The following PFKFB1 variants were observed in gnomAD, a reference collection of about 807,000 sequenced individuals.
The protein encoded by PFKFB1 is 6-phosphofructo-2-kinase/fructose-2,6-bisphosphatase 1.
PFKFB1 carries 34 observed loss-of-function variants against 46.4 expected under a neutral mutation model. The ratio of observed to expected loss-of-function variants is 0.73; its 90% CI spans 0.56 to 0.98. The LOEUF (loss-of-function observed/expected upper bound fraction) is 0.98, where lower values mean the gene tolerates loss of function less well. Ranked by LOEUF, PFKFB1 falls within the 50% of genes least tolerant of loss-of-function variation. The pLI, the probability that PFKFB1 is intolerant of heterozygous loss-of-function variation, is 0.00. For synonymous variants in PFKFB1, 119 were observed against 133.8 expected (o/e 0.89, Z 0.76); for missense variants, 393 against 376.3 (o/e 1.04, Z -0.37).
intron 1 of PFKFB1, among the ~76,000 whole-genome samples, chrX:54,970,157 C>T (rs1282231408): frequency 9.0e-6 from 1 of 110,977 alleles, no homozygotes; most frequent in Admixed American, 9.6e-5. Context: ...GATCTGCCCA[C>T]CTCAGTCTCC....
At chrX:54,941,164 G>A (rs911969174) in intron 10 of PFKFB1, among the ~76,000 whole-genome samples, 1 of 111,939 alleles carries the variant, frequency 8.9e-6, no homozygotes, top group African/African-American at 3.3e-5. Context: ...TTTAATAAAC[G>A]GTGCTGGGAA....
rs1569546552 is a variant in PFKFB1, at chrX:54,933,152, C to T, written c.*251G>A. 7 of 391,808 alleles carry T rather than the reference C, an allele frequency of 1.8e-5. No individual in the cohort carries two copies. The South Asian group carries it at 2.1e-4, about 12-fold the overall frequency. The allele number at this position is 391,808 out of a possible 1,213,427, so 32.3% of individuals were successfully genotyped here. A position where few individuals can be genotyped will look rare whatever the true frequency, so the allele number is the denominator to read the frequency against. ...TGGAAAAGCCTCGCCATGACCTCCT[C>T]CTCTCCTCTTGTAGGCAGTAAGTCT... is the stretch of plus-strand genomic sequence containing the variant. On this transcript the variant is annotated 3_prime_UTR_variant, in exon 14 of 14. Transcript: ENST00000375006.
chrX:54,950,844 C>A (rs192848352), intron 8 of PFKFB1, among the ~76,000 whole-genome samples: 5 of 112,579 alleles, frequency 4.4e-5, no homozygotes, highest in African/African-American at 1.6e-4. Flanking sequence ...TGGGGCACCT[C>A]CCCCCATCTC....
intron 10 of PFKFB1, among the ~76,000 whole-genome samples, chrX:54,939,418 C>A (rs1204081424): frequency 9.0e-6 from 1 of 111,512 alleles, no homozygotes; most frequent in Admixed American, 9.5e-5. Flanking sequence ...GAGATAGAGA[C>A]ACAAAAAACC....
chrX:54,994,126 G>T lies in PFKFB1; in HGVS notation c.-119C>A. Reference sequence around the variant, plus strand: ...CAGCAGGTGGACAGGGCTGGGACAGGGGGTGTACTGGGTTTCTGAGCCCTC... The same window carrying T: ...CAGCAGGTGGACAGGGCTGGGACAGTGGGTGTACTGGGTTTCTGAGCCCTC... On this transcript the variant is annotated 5_prime_UTR_variant, in exon 1 of 14. Coordinates refer to ENST00000375006, the MANE Select transcript of PFKFB1 (RefSeq NM_002625.4). 1 of 1,108,105 alleles carries T rather than the reference G, an allele frequency of 9.0e-7. No individual in the cohort carries two copies. The highest frequency in any genetic ancestry group is 2.3e-5 in the South Asian group (1 of 44,143). The allele number at this position is 1,108,105 out of a possible 1,213,427, so 91.3% of individuals were successfully genotyped here.
intron 1 of PFKFB1, among the ~76,000 whole-genome samples, chrX:54,987,598 T>C (rs767139408): frequency 1.8e-5 from 2 of 110,930 alleles, no homozygotes; most frequent in African/African-American, 3.3e-5. Context: ...ACATTATATA[T>C]ATGTATATAT....
At chrX:54,971,933 T>C (rs1470200407) in intron 1 of PFKFB1, among the ~76,000 whole-genome samples, 2 of 111,736 alleles carry the variant, frequency 1.8e-5, no homozygotes, top group Non-Finnish European at 3.8e-5. Flanking sequence ...TTGGGCAGTA[T>C]GGCCATCTTC....
intron 1 of PFKFB1, among the ~76,000 whole-genome samples, chrX:54,987,118 T>C (rs749336113): frequency 9.0e-6 from 1 of 111,375 alleles, no homozygotes; most frequent in East Asian, 2.8e-4. Flanking sequence ...ACATTACTAC[T>C]GACTTTATGA....
At chrX:54,946,806 AT>A (rs1398134925) in intron 9 of PFKFB1, among the ~76,000 whole-genome samples, 2 of 112,567 alleles carry the variant, frequency 1.8e-5, no homozygotes, top group Non-Finnish European at 3.7e-5. Flanking sequence ...TGTTTTGAAT[AT>A]TGGGAAAATG....
rs975847583 is a variant in PFKFB1 at position 54,951,597 on chromosome X, C to T, written c.846+308G>A. Among the ~76,000 whole-genome samples, 12 of 112,526 alleles carry T rather than the reference C, an allele frequency of 1.1e-4. 1 individual carries two copies. Among genetic ancestry groups the T allele is most frequent in the Admixed American group, 1.0e-3 (11 of 10,745 alleles). On this transcript the variant is annotated intron_variant, in intron 8 of 13. Coordinates refer to ENST00000375006, the MANE Select transcript of PFKFB1 (RefSeq NM_002625.4). ...AGCTGCACTAGCAAAGGCACAAACT[C>T]GTGAGAAAGATGAGGGAACCAGTCA...
At chrX:54,986,357 A>G (rs1056435623) in intron 1 of PFKFB1, among the ~76,000 whole-genome samples, 3 of 112,573 alleles carry the variant, frequency 2.7e-5, no homozygotes, top group Admixed American at 9.4e-5. Context: ...TAAGTAATAC[A>G]TCATGCAAAC....
rs1231211111 is a variant in PFKFB1, at chrX:54,994,131, G to A, written c.-124C>T. The A allele has an allele frequency of 2.7e-6, 3 of 1,102,845 alleles. No homozygotes were observed. The highest frequency in any genetic ancestry group is 1.9e-5 in the African/African-American group (1 of 53,743). The allele number at this position is 1,102,845 out of a possible 1,213,427, so 90.9% of individuals were successfully genotyped here. On this transcript the variant is annotated 5_prime_UTR_variant, in exon 1 of 14. Transcript: ENST00000375006. ...GGTGGACAGGGCTGGGACAGGGGGT[G>A]TACTGGGTTTCTGAGCCCTCTCAAA...
At chrX:54,966,696 C>T (rs1311921600) in intron 1 of PFKFB1, among the ~76,000 whole-genome samples, 1 of 110,590 alleles carries the variant, frequency 9.0e-6, no homozygotes, top group African/African-American at 3.3e-5. Context: ...ACCAGTTTTT[C>T]CTCTCCCTCT....
At chrX:54,977,655 C>T (rs186471193) in intron 1 of PFKFB1, among the ~76,000 whole-genome samples, 2 of 110,962 alleles carry the variant, frequency 1.8e-5, no homozygotes, top group African/African-American at 3.3e-5. Flanking sequence ...GTCTGCTGAG[C>T]GGGCTAGAAT....
At chrX:54,992,739 GGCTT>G (rs1467546665) in intron 1 of PFKFB1, among the ~76,000 whole-genome samples, 3 of 111,800 alleles carry the variant, frequency 2.7e-5, no homozygotes, top group Admixed American at 9.5e-5. Flanking sequence ...TGCAGAGAAT[GGCTT>G]GCTTGTTTGT....
In PFKFB1 at chrX:54,962,808, G is replaced by C. The variant is rs185746369; in HGVS notation, c.223+449C>G. On this transcript the variant is annotated intron_variant, in intron 2 of 13. Transcript: ENST00000375006. ...TCAGGCTTAGAATCAAATAGACCTG[G>C]GTTCATATCTTGGTTCTGTAACTGG... 2.7e-5 allele frequency among the ~76,000 whole-genome samples: 3 copies of C among 111,962 alleles called. No homozygotes were observed. The East Asian group carries it at 8.5e-4, about 32-fold the overall frequency.
At chrX:54,972,044 A>G (rs1251312392) in intron 1 of PFKFB1, among the ~76,000 whole-genome samples, 4 of 108,657 alleles carry the variant, frequency 3.7e-5, no homozygotes, top group African/African-American at 6.7e-5. Flanking sequence ...TCCTTGAAGA[A>G]GTCCTTCACA....
Position 54,958,417 on chromosome X carries a change from T to A in PFKFB1, c.460-55A>T, listed in dbSNP as rs367923800. 4 of 745,350 alleles carry A rather than the reference T, an allele frequency of 5.4e-6. No individual in the cohort carries two copies. In the South Asian group the frequency reaches 7.0e-5, roughly 13 times the overall value. 61.4% of individuals were successfully genotyped at this position (745,350 alleles called of 1,213,427 possible). On this transcript the variant is annotated intron_variant, in intron 5 of 13. Transcript: ENST00000375006. ...GCAGGAAATTATGTTTGGTAGGAGC[T>A]GAACATAGCTTTACTCCTTTTCAAT...
chrX:54,957,067 A>T (rs1037922072), intron 6 of PFKFB1, among the ~76,000 whole-genome samples: 2 of 111,904 alleles, frequency 1.8e-5, no homozygotes, highest in African/African-American at 6.5e-5. Context: ...TTATTTTAGC[A>T]GGTGGCTCAT....
Sources: gnomAD v4.1 joint callset for allele counts (sites outside exome capture counted in the v4.1 genomes callset) on GRCh38, gnomAD v4.1.1 for gene constraint, MANE v1.5 for transcripts, NCBI Gene and HGNC (gene_info 2026-07-23, HGNC 2026-07-21) for gene names.